The following GRIA4 variants were observed in gnomAD, a reference collection of about 807,000 sequenced individuals.
The protein encoded by GRIA4 is glutamate receptor 4.
GRIA4 carries 34 observed loss-of-function variants against 104.0 expected under a neutral mutation model. The observed-to-expected ratio is 0.33, with a 90% CI of 0.25 to 0.44. GRIA4 has a LOEUF of 0.44. Among genes scored for constraint, GRIA4 ranks in the 20% least tolerant of loss-of-function variants. The pLI is 1.00. For synonymous variants in GRIA4, 386 were observed against 381.9 expected, an observed-to-expected ratio of 1.01 and a Z score of -0.13; for missense variants, 750 against 1,096.5, an observed-to-expected ratio of 0.68 and a Z score of 4.46.
chr11:105,967,084 A>G (rs1385876834), intron 14 of GRIA4, among the ~76,000 whole-genome samples: 1 of 152,192 alleles, frequency 6.6e-6, no homozygotes, highest in East Asian at 1.9e-4. Context: ...GCATTCTTTC[A>G]TGCAAATTAG....
intron 14 of GRIA4, among the ~76,000 whole-genome samples, chr11:105,952,662 T>C (rs1948482878): frequency 6.6e-6 from 1 of 152,158 alleles, no homozygotes; most frequent in African/African-American, 2.4e-5. Flanking sequence ...GTGTAACTTG[T>C]TCAGCTCTCC....
intron 4 of GRIA4, among the ~76,000 whole-genome samples, chr11:105,839,284 C>A (rs1944304188): frequency 6.6e-6 from 1 of 152,110 alleles, no homozygotes; most frequent in Non-Finnish European, 1.5e-5. Context: ...AGGATACCTG[C>A]CTCCTTTGAT....
At chr11:105,842,570 C>T (rs577174652) in intron 4 of GRIA4, among the ~76,000 whole-genome samples, 1 of 152,250 alleles carries the variant, frequency 6.6e-6, no homozygotes, top group East Asian at 1.9e-4. Flanking sequence ...TCCTGGCACA[C>T]GTTGATACTG....
At chr11:105,687,032 A>G (rs571047113) in intron 3 of GRIA4, among the ~76,000 whole-genome samples, 2 of 152,058 alleles carry the variant, frequency 1.3e-5, no homozygotes, top group African/African-American at 2.4e-5. Context: ...TACTCTGTTG[A>G]TAGTTTCTTT....
chr11:105,958,574 C>CT (rs796988780), intron 14 of GRIA4, among the ~76,000 whole-genome samples: 20 of 151,278 alleles, frequency 1.3e-4, no homozygotes, highest in South Asian at 4.2e-4. Flanking sequence ...CTAAAATTCT[C>CT]TTTTTTTTTG....
At chr11:105,797,294 T>C (rs985933592) in intron 4 of GRIA4, among the ~76,000 whole-genome samples, 6 of 152,100 alleles carry the variant, frequency 3.9e-5, no homozygotes, top group Admixed American at 6.6e-5. Context: ...AAACAAGGCG[T>C]AAGCAAAGCC....
chr11:105,929,484 A>G (rs1439815547), intron 13 of GRIA4, among the ~76,000 whole-genome samples: 5 of 152,158 alleles, frequency 3.3e-5, no homozygotes. Context: ...AGAGGCATTT[A>G]AAGAGTCTGT....
intron 4 of GRIA4, among the ~76,000 whole-genome samples, chr11:105,829,590 T>C (rs1242091606): frequency 6.6e-6 from 1 of 151,850 alleles, no homozygotes. Flanking sequence ...AGAGAGTTAG[T>C]CCTAGTGCCC....
In GRIA4 at chr11:105,947,269, A is replaced by T. The variant is rs534173557; in HGVS notation, c.2294+13300A>T. 2.6e-5 allele frequency among the ~76,000 whole-genome samples: 4 copies of T among 152,292 alleles called. No homozygotes were observed. In the South Asian group the frequency reaches 8.3e-4, roughly 32 times the overall value. On this transcript the variant is annotated intron_variant, in intron 14 of 16. Transcript: ENST00000282499. ...CTCTCTCACTGACTTCTTTAATGAAAAGTACAGGATATATTTGAATCACAT... is the reference window on the plus strand; with the variant it reads ...CTCTCTCACTGACTTCTTTAATGAATAGTACAGGATATATTTGAATCACAT...
chr11:105,851,368 C>T (rs1212318605), intron 4 of GRIA4, among the ~76,000 whole-genome samples: 1 of 152,184 alleles, frequency 6.6e-6, no homozygotes, highest in Non-Finnish European at 1.5e-5. Context: ...TATAATTTCA[C>T]ATCCCTGAGG....
intron 4 of GRIA4, among the ~76,000 whole-genome samples, chr11:105,781,736 GTGCAATGTC>G (rs1941737697): frequency 6.6e-6 from 1 of 152,206 alleles, no homozygotes; most frequent in South Asian, 2.1e-4. Flanking sequence ...AAAATATGCA[GTGCAATGTC>G]TGCTTACTTT....
intron 14 of GRIA4, among the ~76,000 whole-genome samples, chr11:105,951,867 T>TGGGAGGATCACCTGAGCCTC (rs1948464946): frequency 6.6e-6 from 1 of 151,998 alleles, no homozygotes; most frequent in East Asian, 1.9e-4. Flanking sequence ...GAGGCTGAGG[T>TGGGAGGATCACCTGAGCCTC]GGGAGGATCA....
intron 3 of GRIA4, among the ~76,000 whole-genome samples, chr11:105,616,642 G>C (rs1423519128): frequency 2.0e-5 from 3 of 151,602 alleles, no homozygotes; most frequent in African/African-American, 7.3e-5. Flanking sequence ...GGCATTCTAA[G>C]AGTTTACACT....
chr11:105,716,543 T>G (rs909585547), intron 3 of GRIA4, among the ~76,000 whole-genome samples: 4 of 152,170 alleles, frequency 2.6e-5, no homozygotes, highest in African/African-American at 9.6e-5. Context: ...GCTGTCCTAT[T>G]TCTGATAACT....
chr11:105,743,275 T>A (rs1367956518), intron 3 of GRIA4, among the ~76,000 whole-genome samples: 1 of 152,180 alleles, frequency 6.6e-6, no homozygotes, highest in Non-Finnish European at 1.5e-5. Context: ...TACTTTAAAA[T>A]AACCATTCAA....
intron 3 of GRIA4, among the ~76,000 whole-genome samples, chr11:105,675,811 A>T (rs1295351206): frequency 6.6e-6 from 1 of 151,840 alleles, no homozygotes; most frequent in African/African-American, 2.4e-5. Context: ...AAATATGGGA[A>T]TCTCTTAAAT....
chr11:105,851,926 A>G (rs116152068), intron 4 of GRIA4, among the ~76,000 whole-genome samples: 1 of 152,342 alleles, frequency 6.6e-6, no homozygotes, highest in African/African-American at 2.4e-5. Flanking sequence ...GAAGAAAAGC[A>G]CATCCTACTG....
chr11:105,845,296 C>G (rs907871184), intron 4 of GRIA4, among the ~76,000 whole-genome samples: 2 of 152,116 alleles, frequency 1.3e-5, no homozygotes, highest in Non-Finnish European at 2.9e-5. Context: ...GGCTTCCTTA[C>G]ATCATGGTAT....
At chr11:105,748,672 C>T (rs1939817293) in intron 3 of GRIA4, among the ~76,000 whole-genome samples, 1 of 152,248 alleles carries the variant, frequency 6.6e-6, no homozygotes, top group African/African-American at 2.4e-5. Flanking sequence ...CATGAGCCAC[C>T]GCGCCCCGCC....
Sources: allele counts gnomAD v4.1 joint callset (sites outside exome capture counted in the v4.1 genomes callset), GRCh38; gene constraint gnomAD v4.1.1; transcripts MANE v1.5; gene names NCBI Gene and HGNC (gene_info 2026-07-23, HGNC 2026-07-21).